Variants in CUX1 observed in about 807,000 individuals in gnomAD.
CUX1 encodes cut like homeobox 1, also known as protein CASP.
Under a neutral mutation model 158.8 loss-of-function variants are expected in CUX1, and 31 were observed. That is an observed-to-expected ratio of 0.20 (90% CI 0.15 to 0.26). The LOEUF is 0.26. Ranked by LOEUF, CUX1 falls within the 10% of genes least tolerant of loss-of-function variation. CUX1 has a pLI of 1.00. For missense variants in CUX1, 1,589 were observed against 2,014.6 expected (o/e 0.79, Z 4.04); for synonymous variants, 879 against 862.1 (o/e 1.02, Z -0.34).
rs1250159353 is a variant in CUX1, at chr7:101,869,447, G to A, written c.31-46668G>A. ...CGGAATTGGCCACAGGTCTCCTAAT[G>A]CCTGGCATGTGCGTCAACGCATCTC... On this transcript the variant is annotated intron_variant, in intron 1 of 23. Coordinates refer to ENST00000292535, the MANE Select transcript of CUX1 (RefSeq NM_181552.4). The surrounding 1 kb of genome is among the most constrained non-coding windows in gnomAD (Gnocchi z 4.5). 6.6e-6 allele frequency among the ~76,000 whole-genome samples: 1 copy of A among 152,172 alleles called. No homozygotes were observed. The highest frequency in any genetic ancestry group is 1.5e-5 in the Non-Finnish European group (1 of 68,038).
At chr7:102,119,122 A>G (rs1183378189) in intron 8 of CUX1, among the ~76,000 whole-genome samples, 1 of 152,188 alleles carries the variant, frequency 6.6e-6, no homozygotes. Flanking sequence ...GTCTGAGGCT[A>G]AGCTGTCGAG....
rs1452804829 is a variant in CUX1 at position 102,234,225 on chromosome 7, C to G, written c.3607C>G (p.Arg1203Gly). The part of the protein sequence containing the change: ...NNVEKLMDMK[R>G]MEKKAYMKRR... ...TGTGGAGAAGCTGATGGACATGAAA[C>G]GGATGGAGAAGAAAGGTAAGTCTCC... The change falls in exon 22 of 24, where the codon CGG becomes GGG. Residue 1203 changes from arginine to glycine, a missense_variant. By Grantham distance (125) the Arg-to-Gly change is moderately radical (BLOSUM62 -2). Transcript: ENST00000292535. The G allele has an allele frequency of 6.4e-7, 1 of 1,557,610 alleles. No individual in the cohort carries two copies. The highest frequency in any genetic ancestry group is 2.0e-5 in the Admixed American group (1 of 50,444).
chr7:102,012,584 T>C (rs202141), intron 2 of CUX1, among the ~76,000 whole-genome samples: 98,189 of 151,842 alleles, frequency 0.65, 32,855 homozygotes, highest in African/African-American at 0.81. Context: ...ACTCTACTTT[T>C]CCCAGCGTCC....
At chr7:102,024,886 G>A (rs934556129) in intron 2 of CUX1, among the ~76,000 whole-genome samples, 11 of 152,144 alleles carry the variant, frequency 7.2e-5, no homozygotes, top group Admixed American at 2.0e-4. Flanking sequence ...CCTGCCATGC[G>A]CCGAGTGGCT....
intron 1 of CUX1, among the ~76,000 whole-genome samples, chr7:101,873,788 T>A (rs1798840753): frequency 1.3e-5 from 2 of 152,142 alleles, no homozygotes; most frequent in Non-Finnish European, 2.9e-5. Context: ...TTTTGCCATA[T>A]TGGTCAGGTT....
Position 102,201,877 on chromosome 7 carries a change from C to T in CUX1, c.2580C>T (p.Gly860=), listed in dbSNP as rs782621952. Residue 860 remains glycine (G), a synonymous_variant, in exon 18 of 24, where the codon GGC becomes GGT. Coordinates refer to ENST00000292535, the MANE Select transcript of CUX1 (RefSeq NM_181552.4). The surrounding 1 kb of genome is among the most constrained non-coding windows in gnomAD (Gnocchi z 5.0). ...AGGGCAGCGGTGGCAGCGGAGGTGG[C>T]AGCCAGCCTCGGGCCGAGCGCAGTC... ...KEKGSGGSGG[G]SQPRAERSQL... 6.2e-7 allele frequency: 1 copy of T among 1,613,482 alleles called. No homozygotes were observed. The highest frequency in any genetic ancestry group is 1.7e-5 in the Admixed American group (1 of 60,014).
At chr7:102,036,155 C>T (rs576377606) in intron 3 of CUX1, among the ~76,000 whole-genome samples, 22 of 151,970 alleles carry the variant, frequency 1.4e-4, no homozygotes, top group Non-Finnish European at 2.8e-4. Context: ...TTAGTAAAGA[C>T]GGTTTCGCCA....
intron 17 of CUX1, chr7:102,277,933 G>GCC: frequency 7.5e-6 from 6 of 799,644 alleles, no homozygotes; most frequent in East Asian, 3.8e-5. Flanking sequence ...CCCTTTCCTT[G>GCC]CCCCTCCCCC....
chr7:101,903,656 C>T (rs1802410781), intron 1 of CUX1, among the ~76,000 whole-genome samples: 1 of 152,184 alleles, frequency 6.6e-6, no homozygotes, highest in Admixed American at 6.5e-5. Context: ...GAGCCGGCCA[C>T]GTGGCCTGCC....
chr7:101,914,705 G>T (rs2129083494), intron 1 of CUX1, among the ~76,000 whole-genome samples: 1 of 151,982 alleles, frequency 6.6e-6, no homozygotes, highest in East Asian at 1.9e-4. Flanking sequence ...CTCCATGTTG[G>T]CCAGGCTGGT....
chr7:102,280,235 C>T, intron 19 of CUX1: 2 of 672,312 alleles, frequency 3.0e-6, no homozygotes, highest in South Asian at 1.7e-5. Context: ...TGGCTCCCCT[C>T]CACCTGCCCT....
At chr7:102,030,997 C>T (rs540987546) in intron 3 of CUX1, among the ~76,000 whole-genome samples, 5 of 152,066 alleles carry the variant, frequency 3.3e-5, no homozygotes, top group African/African-American at 1.2e-4. Context: ...CCACTGTACC[C>T]GGCCCCTGCA....
intron 12 of CUX1, among the ~76,000 whole-genome samples, chr7:102,192,352 A>T (rs138254914): frequency 6.6e-6 from 1 of 152,194 alleles, no homozygotes; most frequent in Admixed American, 6.5e-5. Context: ...AGTCTTGCCT[A>T]TTACCTGTAA....
intron 3 of CUX1, among the ~76,000 whole-genome samples, chr7:102,061,804 G>A (rs1177983842): frequency 2.6e-5 from 4 of 152,172 alleles, no homozygotes; most frequent in African/African-American, 9.6e-5. Flanking sequence ...GAAGGCTGAG[G>A]CGGGTAGATC....
At chr7:102,191,692 G>GTCT (rs1794292237) in intron 12 of CUX1, among the ~76,000 whole-genome samples, 1 of 152,064 alleles carries the variant, frequency 6.6e-6, no homozygotes, top group African/African-American at 2.4e-5. Context: ...GTTAGTCGTC[G>GTCT]TCTTCATTGT....
intron 2 of CUX1, among the ~76,000 whole-genome samples, chr7:101,931,249 C>T (rs1387993164): frequency 2.0e-5 from 3 of 152,160 alleles, no homozygotes. Context: ...TGGAGTTTTC[C>T]TACCCAGAAT....
chr7:102,091,365 C>G (rs749995051), intron 4 of CUX1, among the ~76,000 whole-genome samples: 1 of 151,940 alleles, frequency 6.6e-6, no homozygotes, highest in Admixed American at 6.6e-5. Context: ...GGGTCTCGCT[C>G]TGTTGCTGAG....
chr7:102,091,690 T>A (rs1262595838), intron 4 of CUX1, among the ~76,000 whole-genome samples: 2 of 152,168 alleles, frequency 1.3e-5, no homozygotes, highest in Non-Finnish European at 2.9e-5. Context: ...AGCTTAAAAC[T>A]CTTACATGCT....
At chr7:101,856,420 T>C (rs2131316566) in intron 1 of CUX1, among the ~76,000 whole-genome samples, 1 of 152,268 alleles carries the variant, frequency 6.6e-6, no homozygotes, top group East Asian at 1.9e-4. Context: ...TTCCATTCTT[T>C]CACTGAAGGC....
Sources: gnomAD v4.1 joint callset for allele counts (sites outside exome capture counted in the v4.1 genomes callset) on GRCh38, gnomAD v4.1.1 for gene constraint, Gnocchi (gnomAD v3.1) non-coding constraint, MANE v1.5 for transcripts, NCBI Gene and HGNC (gene_info 2026-07-23, HGNC 2026-07-21) for gene names.